Variants in MEGF9 observed in about 807,000 individuals in gnomAD.
MEGF9 encodes the protein multiple EGF like domains 9.
MEGF9 carries 6 observed loss-of-function variants against 46.8 expected under a neutral mutation model. The ratio of observed to expected loss-of-function variants is 0.13; its 90% CI spans 0.07 to 0.25. MEGF9 has a LOEUF of 0.25. Among genes scored for constraint, MEGF9 ranks in the 10% least tolerant of loss-of-function variants. The probability of loss-of-function intolerance (pLI) is 1.00; values close to 1 mark genes in which losing one functional copy is unlikely to be tolerated. For missense variants in MEGF9, 683 were observed against 792.4 expected, an observed-to-expected ratio of 0.86 and a Z score of 1.66; for synonymous variants, 302 against 330.7, an observed-to-expected ratio of 0.91 and a Z score of 0.94.
At chr9:120,691,410 G>C (rs551952052) in intron 1 of MEGF9, 4 of 481,596 alleles carry the variant, frequency 8.3e-6, no homozygotes, top group African/African-American at 2.0e-5. Context: ...GTATCTTTAC[G>C]TTACTCTCAC....
At chr9:120,701,968 G>C (rs572070429) in intron 1 of MEGF9, among the ~76,000 whole-genome samples, 4 of 152,020 alleles carry the variant, frequency 2.6e-5, no homozygotes, top group Non-Finnish European at 2.9e-5. Flanking sequence ...GCGTGAACCC[G>C]GGAGGCGGAG....
chr9:120,632,249 A>T (rs1408016534), intron 2 of MEGF9, among the ~76,000 whole-genome samples: 1 of 152,112 alleles, frequency 6.6e-6, no homozygotes, highest in African/African-American at 2.4e-5. Flanking sequence ...TAATTTTTTA[A>T]ATGTCCTAAT....
chr9:120,713,229 G>A (rs1321007795), intron 1 of MEGF9, among the ~76,000 whole-genome samples: 1 of 152,140 alleles, frequency 6.6e-6, no homozygotes, highest in Non-Finnish European at 1.5e-5. Flanking sequence ...CCCTCAAGTG[G>A]TCCATACTAC....
intron 2 of MEGF9, among the ~76,000 whole-genome samples, chr9:120,638,667 T>C (rs2043589446): frequency 6.6e-6 from 1 of 152,230 alleles, no homozygotes; most frequent in Non-Finnish European, 1.5e-5. Context: ...CTTGACGCTA[T>C]CAGCTTTTAC....
chr9:120,626,812 T>C (rs1355544175), intron 2 of MEGF9, among the ~76,000 whole-genome samples: 1 of 152,204 alleles, frequency 6.6e-6, no homozygotes, highest in Non-Finnish European at 1.5e-5. Context: ...GTATTCTCAT[T>C]TGTTAAGTGA....
rs2043949931 is a variant in MEGF9, at chr9:120,710,892, G to C, written c.601+2866C>G. ...AAGTCAATTTAGCTGCTGAGAACTA[G>C]ATATTGGCAATCTAGAGTGAATTCA... On this transcript the variant is annotated intron_variant, in intron 1 of 5. Transcript: ENST00000373930. Among the ~76,000 whole-genome samples, 3 of 152,308 alleles carry C rather than the reference G, an allele frequency of 2.0e-5. No homozygotes were observed. The South Asian group carries it at 6.2e-4, about 32-fold the overall frequency.
intron 3 of MEGF9, among the ~76,000 whole-genome samples, chr9:120,616,572 G>A (rs1219527501): frequency 6.6e-6 from 1 of 151,548 alleles, no homozygotes; most frequent in Non-Finnish European, 1.5e-5. Context: ...CCAGCTACTC[G>A]GGAGGCTGAG....
In MEGF9 at chr9:120,605,762, A is replaced by C. The variant is rs2043417937; in HGVS notation, c.1358-121T>G. On this transcript the variant is annotated intron_variant, in intron 5 of 5. Transcript: ENST00000373930. This position sits in a 1 kb window ranked among gnomAD's most constrained non-coding sequence, Gnocchi z 4.0. ...GGATGTTAACATGATATTCTGCTTTAAGGTAATGCAAGTTAAAAATAATGT... is the reference window on the plus strand; with the variant it reads ...GGATGTTAACATGATATTCTGCTTTCAGGTAATGCAAGTTAAAAATAATGT... 3 of 712,862 alleles carry C rather than the reference A, an allele frequency of 4.2e-6. No individual in the cohort carries two copies. Among genetic ancestry groups the C allele is most frequent in the Non-Finnish European group, 6.9e-6 (3 of 433,272 alleles). 44.2% of individuals were successfully genotyped at this position (712,862 alleles called of 1,614,324 possible). A position where few individuals can be genotyped will look rare whatever the true frequency, so the allele number is the denominator to read the frequency against.
At chr9:120,634,845 T>G (rs1185450565) in intron 2 of MEGF9, among the ~76,000 whole-genome samples, 1 of 152,186 alleles carries the variant, frequency 6.6e-6, no homozygotes, top group Non-Finnish European at 1.5e-5. Flanking sequence ...TGTTTGGTGG[T>G]TTTTTTGAAG....
At chr9:120,704,898 T>C (rs1283328803) in intron 1 of MEGF9, among the ~76,000 whole-genome samples, 2 of 152,212 alleles carry the variant, frequency 1.3e-5, no homozygotes, top group Admixed American at 1.3e-4. Context: ...TATATACTGG[T>C]ATGCATCTCA....
rs1204493012 is a variant in MEGF9, at chr9:120,605,961, C to CA, written c.1358-321dup. Among the ~76,000 whole-genome samples, 1 of 151,986 alleles carries CA rather than the reference C, an allele frequency of 6.6e-6. No homozygotes were observed. The highest frequency in any genetic ancestry group is 1.5e-5 in the Non-Finnish European group (1 of 67,988). ...GGCCGAGGGTGGTGGATCACGAGGT[C>CA]AGGAGTTCAAGACCAGCCTGGCCAA... On this transcript the variant is annotated intron_variant, in intron 5 of 5. Coordinates refer to ENST00000373930, the MANE Select transcript of MEGF9 (RefSeq NM_001080497.3). The surrounding 1 kb of genome is among the most constrained non-coding windows in gnomAD (Gnocchi z 4.0).
intron 1 of MEGF9, among the ~76,000 whole-genome samples, chr9:120,673,694 A>G (rs7870570): frequency 0.043 from 6,467 of 152,050 alleles, 451 homozygotes; most frequent in African/African-American, 0.15. Flanking sequence ...TAGGCCGGGC[A>G]CGGTGGCTCA....
At chr9:120,671,529 T>C (rs1246062985) in intron 1 of MEGF9, among the ~76,000 whole-genome samples, 1 of 152,210 alleles carries the variant, frequency 6.6e-6, no homozygotes, top group African/African-American at 2.4e-5. Flanking sequence ...TTTGATGAAA[T>C]GGACCAATCT....
In MEGF9 at chr9:120,607,847, G is replaced by C. The variant is rs749240108; in HGVS notation, c.1251C>G (p.Pro417=). 1.2e-6 allele frequency: 2 copies of C among 1,613,918 alleles called. No individual in the cohort carries two copies. The highest frequency in any genetic ancestry group is 1.7e-6 in the Non-Finnish European group (2 of 1,179,872). Residue 417 remains proline, a synonymous_variant, in exon 5 of 6, where the codon CCC becomes CCG. Transcript: ENST00000373930. ...GGCAGTTGATGCACTCACCACTCTCGGGCTTACAAATCTTTGGAGTTTTAA... is the reference window on the plus strand; with the variant it reads ...GGCAGTTGATGCACTCACCACTCTCCGGCTTACAAATCTTTGGAGTTTTAA... ...DPVKTPKICK[P]ESGECINCLH... is the part of the protein sequence containing the mutation.
intron 2 of MEGF9, among the ~76,000 whole-genome samples, chr9:120,656,695 G>A (rs2043678954): frequency 6.6e-6 from 1 of 152,092 alleles, no homozygotes; most frequent in African/African-American, 2.4e-5. Context: ...ATTTATGCAT[G>A]CATTATCCTG....
chr9:120,601,608 C>T lies in MEGF9; in HGVS notation c.*3582G>A, dbSNP rs1026146482. ...GTCTAAAAAACCTCTCTCCTCTCAT[C>T]CCATGTTTCCTCTGTTCTCTACTCT... On this transcript the variant is annotated 3_prime_UTR_variant, in exon 6 of 6. Coordinates refer to ENST00000373930, the MANE Select transcript of MEGF9 (RefSeq NM_001080497.3). The T allele has an allele frequency of 6.6e-6, 1 of 152,166 alleles. No homozygotes were observed. The highest frequency in any genetic ancestry group is 6.5e-5 in the Admixed American group (1 of 15,274). 9.4% of individuals were successfully genotyped at this position (152,166 alleles called of 1,614,324 possible). A position where few individuals can be genotyped will look rare whatever the true frequency, so the allele number is the denominator to read the frequency against.
chr9:120,712,056 A>G (rs562804239), intron 1 of MEGF9, among the ~76,000 whole-genome samples: 84 of 152,294 alleles, frequency 5.5e-4, no homozygotes, highest in African/African-American at 1.9e-3. Context: ...CAGGAACTCA[A>G]GACTAGCCTG....
At chr9:120,683,010 T>A (rs922897271) in intron 1 of MEGF9, among the ~76,000 whole-genome samples, 9 of 152,178 alleles carry the variant, frequency 5.9e-5, no homozygotes, top group African/African-American at 2.2e-4. Context: ...AGAGAAAATG[T>A]ACTTGTTATG....
In MEGF9 at chr9:120,698,538, G is replaced by C. The variant is rs114924359; in HGVS notation, c.601+15220C>G. Among the ~76,000 whole-genome samples, 528 of 152,254 alleles carry C rather than the reference G, an allele frequency of 3.5e-3. 6 individuals are homozygous for C. Among genetic ancestry groups the C allele is most frequent in the African/African-American group, 0.012 (506 of 41,536 alleles). Reference sequence around the variant, plus strand: ...TTAGAGAGTTGATCTGTGACAATATGCAAGTCTTTCTGATTACCAATGTGT... The same window carrying C: ...TTAGAGAGTTGATCTGTGACAATATCCAAGTCTTTCTGATTACCAATGTGT... On this transcript the variant is annotated intron_variant, in intron 1 of 5. Coordinates refer to ENST00000373930, the MANE Select transcript of MEGF9 (RefSeq NM_001080497.3).
Sources: allele counts gnomAD v4.1 joint callset (sites outside exome capture counted in the v4.1 genomes callset), GRCh38; gene constraint gnomAD v4.1.1; non-coding constraint Gnocchi (gnomAD v3.1); transcripts MANE v1.5; gene names NCBI Gene and HGNC (gene_info 2026-07-23, HGNC 2026-07-21).